Variants in SLIT1 observed in about 807,000 individuals in gnomAD.
SLIT1 encodes the protein slit homolog 1 protein.
A neutral mutation model predicts 186.1 loss-of-function variants in SLIT1; 66 were observed. The ratio of observed to expected loss-of-function variants is 0.35; its 90% CI spans 0.29 to 0.44. The LOEUF (loss-of-function observed/expected upper bound fraction) is 0.44, where lower values mean the gene tolerates loss of function less well. Ranked by LOEUF, SLIT1 falls within the 20% of genes least tolerant of loss-of-function variation. The probability of loss-of-function intolerance (pLI) is 1.00; values close to 1 mark genes in which losing one functional copy is unlikely to be tolerated. For synonymous variants in SLIT1, 761 were observed against 833.8 expected (o/e 0.91, Z 1.50); for missense variants, 1,638 against 2,037.4 (o/e 0.80, Z 3.77).
chr10:97,075,750 G>C (rs988101289), intron 4 of SLIT1, among the ~76,000 whole-genome samples: 4 of 152,128 alleles, frequency 2.6e-5, no homozygotes, highest in Admixed American at 6.5e-5. Flanking sequence ...AGATTTTCTG[G>C]GTCCCACCTC....
At chr10:97,087,608 G>C (rs1440148327) in intron 4 of SLIT1, among the ~76,000 whole-genome samples, 1 of 152,182 alleles carries the variant, frequency 6.6e-6, no homozygotes, top group Non-Finnish European at 1.5e-5. Context: ...TGATCCAATA[G>C]TGTGCACACA....
chr10:97,088,011 G>A (rs540861294), intron 4 of SLIT1, among the ~76,000 whole-genome samples: 59 of 152,050 alleles, frequency 3.9e-4, no homozygotes, highest in African/African-American at 1.4e-3. Flanking sequence ...CGATTTGTGC[G>A]TGCATTCGAG....
chr10:97,163,937 G>A (rs1306833222), intron 2 of SLIT1, among the ~76,000 whole-genome samples: 1 of 152,246 alleles, frequency 6.6e-6, no homozygotes, highest in South Asian at 2.1e-4. Context: ...TGTGCCAACT[G>A]GGCAGAGCCC....
intron 30 of SLIT1, among the ~76,000 whole-genome samples, chr10:97,011,555 C>T (rs775317412): frequency 2.0e-5 from 3 of 152,144 alleles, no homozygotes; most frequent in Admixed American, 1.3e-4. Context: ...CAGGCTCCCC[C>T]ACTCCTCTTT....
intron 4 of SLIT1, among the ~76,000 whole-genome samples, chr10:97,141,261 C>T (rs1703046126): frequency 6.6e-6 from 1 of 152,232 alleles, no homozygotes; most frequent in South Asian, 2.1e-4. Context: ...TGCAGAACAA[C>T]ATCCACTTCC....
chr10:97,083,242 A>G (rs1008322486), intron 4 of SLIT1, among the ~76,000 whole-genome samples: 1 of 152,186 alleles, frequency 6.6e-6, no homozygotes, highest in African/African-American at 2.4e-5. Flanking sequence ...GCCAAAGCCT[A>G]TTTTATTAAA....
chr10:97,137,798 C>T (rs1849717218), intron 4 of SLIT1, among the ~76,000 whole-genome samples: 2 of 152,158 alleles, frequency 1.3e-5, no homozygotes, highest in Admixed American at 1.3e-4. Flanking sequence ...GTTGCCCAGG[C>T]TGGTTGCTTA....
chr10:97,108,556 G>A (rs188017665), intron 4 of SLIT1, among the ~76,000 whole-genome samples: 2 of 152,234 alleles, frequency 1.3e-5, no homozygotes, highest in East Asian at 3.9e-4. Flanking sequence ...CACCCAATAG[G>A]GCCCTCACGA....
rs1046827595 is a variant in SLIT1, at chr10:97,035,113, C to T, written c.2367-571G>A. Among the ~76,000 whole-genome samples, 10 of 127,360 alleles carry T rather than the reference C, an allele frequency of 7.9e-5. 1 individual carries two copies. In the East Asian group the frequency reaches 2.1e-3, roughly 26 times the overall value. The allele number at this position is 127,360 out of a possible 152,430, so 83.6% of individuals were successfully genotyped here. A position where few individuals can be genotyped will look rare whatever the true frequency, so the allele number is the denominator to read the frequency against. ...TCCGAGTCACCTGTGGCATCTGACA[C>T]AACTGATCTCTCTTCTCTTCTCAAA... On this transcript the variant is annotated intron_variant, in intron 22 of 36. Coordinates refer to ENST00000266058, the MANE Select transcript of SLIT1 (RefSeq NM_003061.3).
At chr10:97,114,364 A>G (rs1309456775) in intron 4 of SLIT1, among the ~76,000 whole-genome samples, 2 of 152,192 alleles carry the variant, frequency 1.3e-5, no homozygotes, top group African/African-American at 4.8e-5. Context: ...TAGTAAGATC[A>G]AAAGTACAGG....
At chr10:97,071,709 G>C (rs529543131) in intron 4 of SLIT1, among the ~76,000 whole-genome samples, 1 of 152,274 alleles carries the variant, frequency 6.6e-6, no homozygotes, top group South Asian at 2.1e-4. Flanking sequence ...CGTGAAAGGA[G>C]AGCCAGTCAG....
At chr10:97,113,781 C>T (rs915774641) in intron 4 of SLIT1, among the ~76,000 whole-genome samples, 1 of 152,152 alleles carries the variant, frequency 6.6e-6, no homozygotes, top group Non-Finnish European at 1.5e-5. Flanking sequence ...ATCTCGAACT[C>T]CTGACCTCAG....
chr10:97,132,673 T>C (rs1173516408), intron 4 of SLIT1, among the ~76,000 whole-genome samples: 4 of 152,100 alleles, frequency 2.6e-5, no homozygotes, highest in Admixed American at 2.0e-4. Context: ...CCATTTTTCA[T>C]TGTGTATTCC....
intron 1 of SLIT1, among the ~76,000 whole-genome samples, chr10:97,179,949 G>A (rs1027638760): frequency 6.6e-6 from 1 of 152,222 alleles, no homozygotes; most frequent in Non-Finnish European, 1.5e-5. Flanking sequence ...TGCTAATGCC[G>A]GCACAGAACT....
chr10:97,117,161 T>A (rs1238321613), intron 4 of SLIT1, among the ~76,000 whole-genome samples: 3 of 152,132 alleles, frequency 2.0e-5, no homozygotes, highest in South Asian at 4.1e-4. Context: ...AGCAGAGACT[T>A]AGAAAAACAC....
At chr10:97,008,719 A>G (rs1848384790) in intron 31 of SLIT1, among the ~76,000 whole-genome samples, 1 of 151,422 alleles carries the variant, frequency 6.6e-6, no homozygotes, top group South Asian at 2.1e-4. Flanking sequence ...AAAAGGGAAT[A>G]CTACCTAAAT....
At chr10:97,137,856 T>A (rs139590128) in intron 4 of SLIT1, among the ~76,000 whole-genome samples, 14 of 152,344 alleles carry the variant, frequency 9.2e-5, no homozygotes, top group African/African-American at 3.4e-4. Context: ...AACAGCATCA[T>A]CTCATTTAAT....
chr10:97,032,492 C>A (rs560499061), intron 23 of SLIT1, among the ~76,000 whole-genome samples: 1 of 151,638 alleles, frequency 6.6e-6, no homozygotes, highest in South Asian at 2.1e-4. Context: ...TCACTTGAAT[C>A]TGGGAGGCAG....
chr10:97,179,105 C>A (rs1436375325), intron 1 of SLIT1, among the ~76,000 whole-genome samples: 1 of 152,134 alleles, frequency 6.6e-6, no homozygotes, highest in African/African-American at 2.4e-5. Context: ...CCTACCTCCA[C>A]AACACAACAA....
Sources: allele counts gnomAD v4.1 joint callset (sites outside exome capture counted in the v4.1 genomes callset), GRCh38; gene constraint gnomAD v4.1.1; transcripts MANE v1.5; gene names NCBI Gene and HGNC (gene_info 2026-07-23, HGNC 2026-07-21).